The following DENND2D variants were observed in gnomAD, a reference collection of about 807,000 sequenced individuals.
The protein encoded by DENND2D is DENN domain containing 2D.
DENND2D carries 37 observed loss-of-function variants against 59.8 expected under a neutral mutation model. The observed-to-expected ratio is 0.62, with a 90% CI of 0.48 to 0.81. The LOEUF (loss-of-function observed/expected upper bound fraction) is 0.81. Ranked by LOEUF, DENND2D falls within the 40% of genes least tolerant of loss-of-function variation. The probability of loss-of-function intolerance (pLI) is 0.00; values close to 1 mark genes in which losing one functional copy is unlikely to be tolerated. For synonymous variants in DENND2D, 219 were observed against 211.3 expected, an observed-to-expected ratio of 1.04 and a Z score of -0.31; for missense variants, 525 against 579.7, an observed-to-expected ratio of 0.91 and a Z score of 0.97.
chr1:111,203,102 C>A (rs1304782182), upstream of DENND2D, among the ~76,000 whole-genome samples: 1 of 152,236 alleles, frequency 6.6e-6, no homozygotes, highest in African/African-American at 2.4e-5. Flanking sequence ...CGGTCCCAGG[C>A]CTCTGCCCCA....
chr1:111,200,732 G>A, upstream of DENND2D: 1 of 1,251,090 alleles, frequency 8.0e-7, no homozygotes, highest in Non-Finnish European at 1.0e-6. Context: ...CCTCCCAAGA[G>A]CCCCAGGGTG....
Position 111,192,265 on chromosome 1 carries a change from A to C in DENND2D, c.847T>G (p.Trp283Gly), listed in dbSNP as rs1352066703. The stretch of plus-strand genomic sequence containing the variant: ...ACAACAGGGATGTAGGTGTGCGCCC[A>C]GCTGAAGGGGTAGAGCAGTGCGGCA... ...AAAALLYPFS[W>G]AHTYIPVVPE... Residue 283 changes from tryptophan (W) to glycine (G), a missense_variant, in exon 8 of 12, where the codon TGG becomes GGG. Transcript: ENST00000357640. 3 of 1,613,834 alleles carry C rather than the reference A, an allele frequency of 1.9e-6. No homozygotes were observed. Among genetic ancestry groups the C allele is most frequent in the Non-Finnish European group, 2.5e-6 (3 of 1,179,902 alleles).
chr1:111,199,040 A>T (rs958430606), intron 2 of DENND2D, among the ~76,000 whole-genome samples: 2 of 152,238 alleles, frequency 1.3e-5, no homozygotes, highest in Admixed American at 6.5e-5. Flanking sequence ...TGAATATAGA[A>T]AGGCCCTGAA....
upstream of DENND2D, among the ~76,000 whole-genome samples, chr1:111,203,647 C>T (rs1282673511): frequency 6.6e-6 from 1 of 152,216 alleles, no homozygotes; most frequent in African/African-American, 2.4e-5. Flanking sequence ...ATGTCCATTT[C>T]ACTGTTGCGG....
In DENND2D at chr1:111,187,155, T is replaced by C. The variant is rs115818994; in HGVS notation, c.*450A>G. The C allele has an allele frequency of 8.3e-3, 1,299 of 156,356 alleles. 17 individuals carry two copies. Among genetic ancestry groups the C allele is most frequent in the African/African-American group, 0.03 (1,233 of 41,622 alleles). The allele number at this position is 156,356 out of a possible 1,614,324, so 9.7% of individuals were successfully genotyped here. On this transcript the variant is annotated 3_prime_UTR_variant, in exon 12 of 12. Transcript: ENST00000357640. ...ACGAGGAAAATACTTTTACCCATAG[T>C]AAAAGCCAAAGACACATATAAAAAT...
At chr1:111,190,140 G>C (rs181040914) in intron 8 of DENND2D, among the ~76,000 whole-genome samples, 4 of 145,576 alleles carry the variant, frequency 2.7e-5, no homozygotes, top group Non-Finnish European at 6.0e-5. Flanking sequence ...CTCCAGCCTG[G>C]GCGACACAGC....
chr1:111,193,838 T>C (rs966923550), intron 7 of DENND2D, among the ~76,000 whole-genome samples: 8 of 152,216 alleles, frequency 5.3e-5, no homozygotes, highest in African/African-American at 1.9e-4. Flanking sequence ...GTAGAGACCA[T>C]GGCACAATAG....
chr1:111,200,350 A>G lies in DENND2D; in HGVS notation c.67+43T>C, dbSNP rs111300880. On this transcript the variant is annotated intron_variant, in intron 1 of 11. Transcript: ENST00000357640. The stretch of plus-strand genomic sequence containing the variant: ...CAAGGAAGAAACAGTCCCGCCTAAG[A>G]GGGTCACCCTAAAAACAAGGAAGTA... 1,329 of 1,597,252 alleles carry G rather than the reference A, an allele frequency of 8.3e-4. 14 individuals carry two copies. The African/African-American group carries it at 0.016, about 20-fold the overall frequency.
In DENND2D at chr1:111,188,036, G is replaced by A. The variant is rs1343783570; in HGVS notation, c.1339+95C>T. 1.1e-5 allele frequency: 16 copies of A among 1,503,352 alleles called. No individual in the cohort carries two copies. The East Asian group carries it at 3.6e-4, about 34-fold the overall frequency. 93.1% of individuals were successfully genotyped at this position (1,503,352 alleles called of 1,614,324 possible). A position where few individuals can be genotyped will look rare whatever the true frequency, so the allele number is the denominator to read the frequency against. ...ATAAAAGTCTACCTACAGCTATTTT[G>A]TGGGTTTCTAAAGAGAAGTATTCTT... On this transcript the variant is annotated intron_variant, in intron 11 of 11. Transcript: ENST00000357640.
Position 111,188,711 on chromosome 1 carries a change from C to A in DENND2D, c.1090G>T (p.Glu364Ter). ...AAGAGTAAGGACTTACTCTTTAACT[C>A]ATTGATCCCCTGACCAAGAGAGTCT... Reference protein sequence around the residue: ...ILDSLGQGINELKTAEQINEH... With the variant: ...ILDSLGQGIN Residue 364 changes from glutamate to a stop codon, truncating the protein, a stop_gained, in exon 10 of 12, where the codon GAG becomes TAG. Coordinates refer to ENST00000357640, the MANE Select transcript of DENND2D (RefSeq NM_024901.5). LOFTEE classifies it high-confidence loss of function. 1 of 1,613,970 alleles carries A rather than the reference C, an allele frequency of 6.2e-7. No homozygotes were observed. Among genetic ancestry groups the A allele is most frequent in the Admixed American group, 1.7e-5 (1 of 60,026 alleles).
At chr1:111,200,220 G>C in intron 1 of DENND2D, 173 bp downstream of exon 1, 2 of 815,468 alleles carry the variant, frequency 2.5e-6, no homozygotes, top group Non-Finnish European at 2.0e-6. Flanking sequence ...GCCCCAGAGA[G>C]GGCATGACCA....
chr1:111,199,103 A>C (rs369255424), intron 2 of DENND2D, among the ~76,000 whole-genome samples: 4 of 152,356 alleles, frequency 2.6e-5, no homozygotes, highest in South Asian at 4.1e-4. Context: ...ATCAGAGAAG[A>C]GAAGCGGCCA....
rs1408161827 is a variant in DENND2D at position 111,197,240 on chromosome 1, C to T, written c.440G>A (p.Gly147Asp). 6.2e-7 allele frequency: 1 copy of T among 1,613,240 alleles called. No homozygotes were observed. Among genetic ancestry groups the T allele is most frequent in the South Asian group, 1.1e-5 (1 of 90,868 alleles). The change falls in exon 5 of 12, where the codon GGC becomes GAC. Residue 147 changes from glycine (G) to aspartate (D), a missense_variant. By Grantham distance (94) the Gly-to-Asp change is moderately conservative. Transcript: ENST00000357640. ...YCRRLLPAGP[G>D]PRLPKVYCII... The stretch of plus-strand genomic sequence containing the variant: ...GCAGTACACTTTGGGAAGGCGAGGG[C>T]CAGGGCCGGCAGGCTGGGGAGGGAC...
chr1:111,199,463 G>C (rs565885825), intron 2 of DENND2D, among the ~76,000 whole-genome samples, 160 bp downstream of exon 2: 2 of 152,318 alleles, frequency 1.3e-5, no homozygotes, highest in African/African-American at 4.8e-5. Flanking sequence ...GAGAACTGGG[G>C]CTGTGCTAAG....
chr1:111,192,054 A>G, intron 8 of DENND2D, 86 bp downstream of exon 8: 1 of 1,283,140 alleles, frequency 7.8e-7, no homozygotes, highest in Non-Finnish European at 1.0e-6. Flanking sequence ...ACTTGCCCCT[A>G]ATCACACAGC....
rs1658694837 is a variant in DENND2D, at chr1:111,200,452, C to G, written c.8G>C (p.Gly3Ala). 1.9e-6 allele frequency: 3 copies of G among 1,610,890 alleles called. No homozygotes were observed. Among genetic ancestry groups the G allele is most frequent in the African/African-American group, 2.7e-5 (2 of 74,814 alleles). Residue 3 changes from glycine to alanine, a missense_variant, in exon 1 of 12, where the codon GGA (glycine) becomes GCA (alanine). Gly to Ala is a moderately conservative substitution (Grantham distance 60). Coordinates refer to ENST00000357640, the MANE Select transcript of DENND2D (RefSeq NM_024901.5). ...CCTGAACACCCGGCCTACCACTTGT[C>G]CTTCCATCTCTGGGCCTTCAGGACA... Reference protein sequence around the residue: MEGQVVGRVFRLF... With the variant: MEAQVVGRVFRLF...
chr1:111,200,765 C>T (rs1658725547), upstream of DENND2D: 11 of 1,190,404 alleles, frequency 9.2e-6, no homozygotes, highest in Non-Finnish European at 1.1e-5. Flanking sequence ...AGGTCATGAG[C>T]AAACACCTCT....
rs1440540521 is a variant in DENND2D, at chr1:111,197,223, C to A, written c.457G>T (p.Val153Leu). 3.1e-6 allele frequency: 5 copies of A among 1,613,886 alleles called. No individual in the cohort carries two copies. The highest frequency in any genetic ancestry group is 3.4e-6 in the Non-Finnish European group (4 of 1,179,966). ...PAGPGPRLPK[V>L]YCIISCIGCF... is the part of the protein sequence containing the mutation. The stretch of plus-strand genomic sequence containing the variant: ...CCGATGCAGCTGATGATGCAGTACA[C>A]TTTGGGAAGGCGAGGGCCAGGGCCG... Residue 153 changes from valine (V) to leucine (L), a missense_variant, in exon 5 of 12, where the codon GTG (valine) becomes TTG (leucine). Val to Leu is a conservative substitution (Grantham distance 32, BLOSUM62 1). Around this residue, in one of 3 missense-constraint regions of DENND2D, gnomAD observed 253 missense variants for 246.4 expected, o/e 1.03. Coordinates refer to ENST00000357640, the MANE Select transcript of DENND2D (RefSeq NM_024901.5).
At chr1:111,197,417 C>A in intron 4 of DENND2D, 164 bp from the exon 5 acceptor site, 2 of 1,452,426 alleles carry the variant, frequency 1.4e-6, no homozygotes, top group Non-Finnish European at 1.8e-6. Context: ...AAGAAGAAAT[C>A]CTTGAGGGTA....
Sources: gnomAD v4.1 joint callset for allele counts (sites outside exome capture counted in the v4.1 genomes callset) on GRCh38, gnomAD v4.1.1 for gene constraint, gnomAD v4.1.1 regional missense constraint, MANE v1.5 for transcripts, NCBI Gene and HGNC (gene_info 2026-07-23, HGNC 2026-07-21) for gene names.